The following FGFR3 variants were observed in gnomAD, a reference collection of about 807,000 sequenced individuals.
The protein encoded by FGFR3 is FGFR-3.
A neutral mutation model predicts 82.9 loss-of-function variants in FGFR3; 25 were observed. The observed-to-expected ratio is 0.30, with a 90% CI of 0.22 to 0.42. The LOEUF (loss-of-function observed/expected upper bound fraction) is 0.42, where lower values mean the gene tolerates loss of function less well. FGFR3 is among the 10% of genes least tolerant of loss of function. FGFR3 has a pLI of 1.00. For missense variants in FGFR3, 1,026 were observed against 1,161.0 expected (o/e 0.88, Z 1.69); for synonymous variants, 620 against 516.0 (o/e 1.20, Z -2.73).
intron 7 of FGFR3, chr4:1,802,909 C>T (rs779663214): frequency 3.1e-5 from 49 of 1,588,162 alleles, no homozygotes; most frequent in Middle Eastern, 1.7e-4. Context: ...CTCTTGTCCC[C>T]GCAGTCCTGG....
In FGFR3 at chr4:1,808,673, A is replaced by C. The variant is rs940349177; in HGVS notation, c.*1411A>C. The C allele has an allele frequency of 8.6e-6, 2 of 231,902 alleles. No individual in the cohort carries two copies. Among genetic ancestry groups the C allele is most frequent in the African/African-American group, 4.4e-5 (2 of 45,232 alleles). The allele number at this position is 231,902 out of a possible 1,614,324, so 14.4% of individuals were successfully genotyped here. ...AAGCTTGGAGGGAAGCCGTGAATTC[A>C]GTTGGTTCGTTCTGTACTGTTACTG... On this transcript the variant is annotated 3_prime_UTR_variant, in exon 18 of 18. Transcript: ENST00000440486.
At chr4:1,798,860 C>T (rs940667403) in intron 2 of FGFR3, among the ~76,000 whole-genome samples, 3 of 152,078 alleles carry the variant, frequency 2.0e-5, no homozygotes, top group Non-Finnish European at 2.9e-5. Flanking sequence ...GTCGTGGTGC[C>T]GCCTGTGAGA....
At chr4:1,799,844 G>C (rs751913990) in intron 4 of FGFR3, 32 bp downstream of exon 4, 2 of 1,609,162 alleles carry the variant, frequency 1.2e-6, no homozygotes, top group East Asian at 2.2e-5. Context: ...CAGGCCAGCC[G>C]GGGTGGGGCC....
intron 3 of FGFR3, 85 bp from the exon 4 acceptor site, chr4:1,799,662 G>T: frequency 6.3e-7 from 1 of 1,578,910 alleles, no homozygotes; most frequent in South Asian, 1.1e-5. Flanking sequence ...CTGCCCAAAT[G>T]GGGGACCCTG....
rs1198925176 is a variant in FGFR3, at chr4:1,808,578, T to C, written c.*1316T>C. The C allele has an allele frequency of 3.0e-5, 7 of 230,702 alleles. No homozygotes were observed. Among genetic ancestry groups the C allele is most frequent in the African/African-American group, 4.4e-5 (2 of 45,132 alleles). 14.3% of individuals were successfully genotyped at this position (230,702 alleles called of 1,614,324 possible). A position where few individuals can be genotyped will look rare whatever the true frequency, so the allele number is the denominator to read the frequency against. ...TAATTTATTGAGTTTTTACAAGATG[T>C]ATTTGTTGTAGACTTAACACTTCTT... On this transcript the variant is annotated 3_prime_UTR_variant, in exon 18 of 18. Transcript: ENST00000440486.
rs765164423 is a variant in FGFR3 at position 1,805,591 on chromosome 4, G to C, written c.1567G>C (p.Val523Leu). ...CACTGACAAGGACCTGTCGGACCTG[G>C]TGTCTGAGATGGAGATGATGAAGAT... ...DATDKDLSDLVSEMEMMKMIG... is the reference protein window; with the variant it reads ...DATDKDLSDLLSEMEMMKMIG... The change falls in exon 12 of 18, where the codon GTG becomes CTG. Residue 523 changes from valine (V) to leucine (L), a missense_variant. Transcript: ENST00000440486. 3 of 1,613,304 alleles carry C rather than the reference G, an allele frequency of 1.9e-6. No individual in the cohort carries two copies. Among genetic ancestry groups the C allele is most frequent in the Non-Finnish European group, 2.5e-6 (3 of 1,179,808 alleles).
intron 8 of FGFR3, among the ~76,000 whole-genome samples, chr4:1,804,039 C>T (rs1293034695): frequency 5.3e-5 from 8 of 152,352 alleles, no homozygotes; most frequent in Middle Eastern, 3.4e-3. Flanking sequence ...TCAGCCCCCT[C>T]GAGCCCACTT....
chr4:1,805,581 G>A lies in FGFR3; in HGVS notation c.1557G>A (p.Leu519=), dbSNP rs1472826341. The A allele has an allele frequency of 6.2e-7, 1 of 1,613,296 alleles. No homozygotes were observed. Among genetic ancestry groups the A allele is most frequent in the South Asian group, 1.1e-5 (1 of 91,090 alleles). Residue 519 remains leucine (L), a synonymous_variant, in exon 12 of 18, where the codon CTG becomes CTA. Transcript: ENST00000440486. ...MLKDDATDKD[L]SDLVSEMEMM... is the part of the protein sequence containing the mutation. ...CAGACGATGCCACTGACAAGGACCT[G>A]TCGGACCTGGTGTCTGAGATGGAGA...
In FGFR3 at chr4:1,806,646, C is replaced by T. The variant is rs1430826425; in HGVS notation, c.2131C>T (p.His711Tyr). Residue 711 changes from histidine (H) to tyrosine (Y), a missense_variant, in exon 16 of 18, where the codon CAC (histidine) becomes TAC (tyrosine). This residue lies in a region of FGFR3 where 155 missense variants were observed against 150.2 expected (regional missense o/e 1.03). Coordinates refer to ENST00000440486, the MANE Select transcript of FGFR3 (RefSeq NM_000142.5). ...EELFKLLKEG[H>Y]RMDKPANCTH... ...GCTCTTCAAGCTGCTGAAGGAGGGC[C>T]ACCGCATGGACAAGCCCGCCAACTG... 8 of 1,612,958 alleles carry T rather than the reference C, an allele frequency of 5.0e-6. No individual in the cohort carries two copies. The highest frequency in any genetic ancestry group is 6.8e-6 in the Non-Finnish European group (8 of 1,179,892).
At chr4:1,804,719 G>A in intron 9 of FGFR3, 105 bp from the exon 10 acceptor site, 1 of 1,456,378 alleles carries the variant, frequency 6.9e-7, no homozygotes, top group South Asian at 1.2e-5. Flanking sequence ...TTCAATGCTG[G>A]TGGAAGTCAG....
In FGFR3 at chr4:1,799,637, C is replaced by T; in HGVS notation, c.380-110C>T. 4 of 1,554,682 alleles carry T rather than the reference C, an allele frequency of 2.6e-6. No individual in the cohort carries two copies. The African/African-American group carries it at 5.4e-5, about 21-fold the overall frequency. ...CTCTGGTCATTGGTGGAGAGGAGGG[C>T]ACCCCCAGGAAGTGCTGCCCAAATG... On this transcript the variant is annotated intron_variant, in intron 3 of 17. Transcript: ENST00000440486.
chr4:1,804,237 C>T (rs926502518), intron 8 of FGFR3, 93 bp from the exon 9 acceptor site: 8 of 1,429,144 alleles, frequency 5.6e-6, no homozygotes, highest in Non-Finnish European at 7.5e-6. Flanking sequence ...CCCTTCCGCT[C>T]CCAGTGGTGC....
In FGFR3 at chr4:1,805,517, G is replaced by GCGC. The variant is rs537854558; in HGVS notation, c.1535-31_1535-29dup. 2,194 of 1,612,406 alleles carry GCGC rather than the reference G, an allele frequency of 1.4e-3. 4 individuals carry two copies. The highest frequency in any genetic ancestry group is 1.7e-3 in the Non-Finnish European group (1,999 of 1,179,656). On this transcript the variant is annotated intron_variant, in intron 11 of 17. Coordinates refer to ENST00000440486, the MANE Select transcript of FGFR3 (RefSeq NM_000142.5). The stretch of plus-strand genomic sequence containing the variant: ...CCAGGGGTGCAGAGCAGGGCTGGGG[G>GCGC]CGCCGCCGCCGCCTGACACAGGCCC...
intron 2 of FGFR3, among the ~76,000 whole-genome samples, chr4:1,795,295 G>T (rs1312338881): frequency 6.6e-6 from 1 of 152,120 alleles, no homozygotes; most frequent in African/African-American, 2.4e-5. Flanking sequence ...TTCAGATAAA[G>T]ATATTACTCC....
chr4:1,805,206 C>G (rs1376714237), intron 10 of FGFR3, 149 bp from the exon 11 acceptor site: 1 of 1,456,994 alleles, frequency 6.9e-7, no homozygotes, highest in African/African-American at 1.4e-5. Flanking sequence ...ACTCTTCGTC[C>G]TTACGAGCAG....
intron 2 of FGFR3, among the ~76,000 whole-genome samples, chr4:1,797,450 G>C (rs867695214): frequency 3.9e-5 from 6 of 152,324 alleles, no homozygotes; most frequent in African/African-American, 1.4e-4. Context: ...CCACTGGTGT[G>C]GCTGGCCTGG....
chr4:1,801,497 C>G lies in FGFR3; in HGVS notation c.576C>G (p.Gly192=). Residue 192 remains glycine, a synonymous_variant, in exon 5 of 18, where the codon GGC becomes GGG. Transcript: ENST00000440486. ...CCTCCATCTCCTGGCTGAAGAACGGCAGGGAGTTCCGCGGCGAGCACCGCA... is the reference window on the plus strand; with the variant it reads ...CCTCCATCTCCTGGCTGAAGAACGGGAGGGAGTTCCGCGGCGAGCACCGCA... ...PTPSISWLKN[G]REFRGEHRIG... 1.3e-6 allele frequency: 2 copies of G among 1,560,312 alleles called. No homozygotes were observed. The highest frequency in any genetic ancestry group is 1.7e-6 in the Non-Finnish European group (2 of 1,152,746).
rs372401311 is a variant in FGFR3, at chr4:1,807,238, C to A, written c.2397C>A (p.Pro799=). ...FAHDLLPPAP[P]SSGGSRT ...ACGACCTGCTGCCCCCGGCCCCACC[C>A]AGCAGTGGGGGCTCGCGGACGTGAA... Residue 799 remains proline (P), a synonymous_variant, in exon 18 of 18, where the codon CCC becomes CCA. Transcript: ENST00000440486. 89 of 1,607,582 alleles carry A rather than the reference C, an allele frequency of 5.5e-5. No homozygotes were observed. The highest frequency in any genetic ancestry group is 7.3e-5 in the Non-Finnish European group (86 of 1,178,244).
intron 2 of FGFR3, among the ~76,000 whole-genome samples, chr4:1,798,463 C>A (rs1237280597): frequency 6.6e-6 from 1 of 151,960 alleles, no homozygotes; most frequent in African/African-American, 2.4e-5. Flanking sequence ...GGTATGTTTT[C>A]CGTCATGACC....
Sources: gnomAD v4.1 joint callset for allele counts (sites outside exome capture counted in the v4.1 genomes callset) on GRCh38, gnomAD v4.1.1 for gene constraint, gnomAD v4.1.1 regional missense constraint, MANE v1.5 for transcripts, NCBI Gene and HGNC (gene_info 2026-07-23, HGNC 2026-07-21) for gene names.